Variants in GAREM1 observed in about 807,000 individuals in gnomAD.
GAREM1 encodes GRB2 associated regulator of MAPK1 subtype 1.
A neutral mutation model predicts 71.3 loss-of-function variants in GAREM1; 26 were observed. The ratio of observed to expected loss-of-function variants is 0.36; its 90% confidence interval spans 0.27 to 0.51. The LOEUF (loss-of-function observed/expected upper bound fraction) is 0.51. GAREM1 is among the 20% of genes least tolerant of loss of function. The probability of loss-of-function intolerance (pLI) is 0.95; values close to 1 mark genes in which losing one functional copy is unlikely to be tolerated. For missense variants in GAREM1, 1,026 were observed against 1,103.1 expected (o/e 0.93, Z 0.99); for synonymous variants, 440 against 433.2 (o/e 1.02, Z -0.20).
chr18:32,281,459 G>A (rs537983886), intron 4 of GAREM1, among the ~76,000 whole-genome samples: 7 of 152,230 alleles, frequency 4.6e-5, no homozygotes, highest in South Asian at 4.2e-4. Flanking sequence ...CAATGAATGC[G>A]TGTTACCAAC....
intron 2 of GAREM1, among the ~76,000 whole-genome samples, chr18:32,391,168 AATG>A (rs781605464): frequency 3.9e-5 from 6 of 152,212 alleles, no homozygotes; most frequent in Non-Finnish European, 8.8e-5. Flanking sequence ...CTCCTGATGA[AATG>A]ATGAGCTGAG....
chr18:32,423,348 G>C (rs1367822561), intron 1 of GAREM1, among the ~76,000 whole-genome samples: 2 of 152,160 alleles, frequency 1.3e-5, no homozygotes, highest in Non-Finnish European at 2.9e-5. Context: ...ATAGGTATTA[G>C]TTTACACTAT....
intron 1 of GAREM1, among the ~76,000 whole-genome samples, chr18:32,406,799 A>G (rs1339492600): frequency 6.6e-6 from 1 of 152,194 alleles, no homozygotes; most frequent in African/African-American, 2.4e-5. Context: ...TAGGAATAGG[A>G]GAAGAAACTG....
chr18:32,350,036 G>A (rs1257607760), intron 2 of GAREM1, among the ~76,000 whole-genome samples: 1 of 152,070 alleles, frequency 6.6e-6, no homozygotes, highest in Non-Finnish European at 1.5e-5. Context: ...AAGAAACTTG[G>A]GCTTTCTGAT....
chr18:32,395,448 G>T (rs759142610), intron 1 of GAREM1, among the ~76,000 whole-genome samples: 5 of 152,226 alleles, frequency 3.3e-5, no homozygotes, highest in African/African-American at 4.8e-5. Context: ...GAGAGATGCT[G>T]GGTGGGGGAA....
chr18:32,463,355 C>A (rs1364021794), intron 1 of GAREM1, among the ~76,000 whole-genome samples: 1 of 151,754 alleles, frequency 6.6e-6, no homozygotes, highest in Non-Finnish European at 1.5e-5. Flanking sequence ...TTCAAAACAG[C>A]CATCTTACTT....
chr18:32,419,288 T>C (rs2048497847), intron 1 of GAREM1, among the ~76,000 whole-genome samples: 1 of 152,260 alleles, frequency 6.6e-6, no homozygotes, highest in Admixed American at 6.5e-5. Context: ...GCCACCAAGA[T>C]AGTCTCCCTC....
chr18:32,383,044 A>G (rs1355312081), intron 2 of GAREM1, among the ~76,000 whole-genome samples: 2 of 152,224 alleles, frequency 1.3e-5, no homozygotes, highest in African/African-American at 2.4e-5. Flanking sequence ...TTTACCTACA[A>G]TGATTTTTAA....
intron 2 of GAREM1, among the ~76,000 whole-genome samples, chr18:32,387,750 C>G (rs1358157009): frequency 6.6e-6 from 1 of 152,126 alleles, no homozygotes; most frequent in African/African-American, 2.4e-5. Flanking sequence ...CTTGTCACCA[C>G]CATTTCAGTG....
At chr18:32,313,313 C>A (rs1033034680) in intron 2 of GAREM1, among the ~76,000 whole-genome samples, 3 of 152,148 alleles carry the variant, frequency 2.0e-5, no homozygotes, top group South Asian at 4.2e-4. Context: ...ATCAATGGAT[C>A]ATGGATTTTG....
At chr18:32,409,089 T>C (rs1189812530) in intron 1 of GAREM1, among the ~76,000 whole-genome samples, 2 of 152,146 alleles carry the variant, frequency 1.3e-5, no homozygotes, top group African/African-American at 4.8e-5. Flanking sequence ...ATCAGCTCTT[T>C]TGGCTCAATA....
intron 1 of GAREM1, among the ~76,000 whole-genome samples, chr18:32,453,755 A>T (rs987463647): frequency 6.6e-6 from 1 of 152,212 alleles, no homozygotes; most frequent in Non-Finnish European, 1.5e-5. Flanking sequence ...GATGTGGACA[A>T]ATCTGCTGGC....
chr18:32,339,014 T>G (rs1362195324), intron 2 of GAREM1, among the ~76,000 whole-genome samples: 2 of 152,158 alleles, frequency 1.3e-5, no homozygotes, highest in Admixed American at 1.3e-4. Context: ...CTGCAGCTCT[T>G]TACCAGGTCT....
intron 1 of GAREM1, among the ~76,000 whole-genome samples, chr18:32,402,364 T>G (rs1166175792): frequency 6.6e-6 from 1 of 152,142 alleles, no homozygotes; most frequent in Non-Finnish European, 1.5e-5. Context: ...AAAAATAATT[T>G]TTAACACTAG....
At chr18:32,400,369 C>T (rs371532939) in intron 1 of GAREM1, among the ~76,000 whole-genome samples, 1 of 152,232 alleles carries the variant, frequency 6.6e-6, no homozygotes, top group Non-Finnish European at 1.5e-5. Context: ...AAGAAACTAC[C>T]ATCAGAGTGA....
chr18:32,345,546 T>G (rs2144582775), intron 2 of GAREM1, among the ~76,000 whole-genome samples: 1 of 152,224 alleles, frequency 6.6e-6, no homozygotes, highest in Admixed American at 6.5e-5. Context: ...TTTAAAGAAG[T>G]CCTCTCTCTA....
Position 32,287,135 on chromosome 18 carries a change from T to G in GAREM1, c.1462A>C (p.Lys488Gln), listed in dbSNP as rs1373693238. ...ATGGGAAGAGGAGAAGTCGCACATT[T>G]GGATCGGACAGAACCTCTAAACTGA... ...CDQFRGSVRS[K>Q]CATSPLPIPG... is the part of the protein sequence containing the mutation. The change falls in exon 4 of 6, where the codon AAA becomes CAA. Residue 488 changes from lysine to glutamine, a missense_variant. Around this residue, in one of 3 missense-constraint regions of GAREM1, gnomAD observed 636 missense variants for 631.2 expected, o/e 1.01. Coordinates refer to ENST00000269209, the MANE Select transcript of GAREM1 (RefSeq NM_001242409.2). This position sits in a 1 kb window ranked among gnomAD's most constrained non-coding sequence, Gnocchi z 5.9. 1 of 1,614,134 alleles carries G rather than the reference T, an allele frequency of 6.2e-7. No homozygotes were observed. Among genetic ancestry groups the G allele is most frequent in the Non-Finnish European group, 8.5e-7 (1 of 1,180,054 alleles).
chr18:32,401,643 T>G (rs1048311776), intron 1 of GAREM1, among the ~76,000 whole-genome samples: 10 of 152,112 alleles, frequency 6.6e-5, no homozygotes, highest in African/African-American at 2.4e-4. Flanking sequence ...TTAGAAAAAT[T>G]AATCTGGCGG....
chr18:32,382,888 T>A (rs2048111022), intron 2 of GAREM1, among the ~76,000 whole-genome samples: 1 of 152,084 alleles, frequency 6.6e-6, no homozygotes, highest in African/African-American at 2.4e-5. Flanking sequence ...GGGGACCAGT[T>A]TTATTAAAGG....
Sources: allele counts gnomAD v4.1 joint callset (sites outside exome capture counted in the v4.1 genomes callset), GRCh38; gene constraint gnomAD v4.1.1; regional missense constraint gnomAD v4.1.1; non-coding constraint Gnocchi (gnomAD v3.1); transcripts MANE v1.5; gene names NCBI Gene and HGNC (gene_info 2026-07-23, HGNC 2026-07-21).